Variants in ZNF646 observed in about 807,000 individuals in gnomAD.
ZNF646 encodes zinc finger protein 646.
In ZNF646, 49 loss-of-function variants were observed where a neutral mutation model predicts 115.4. The observed-to-expected ratio is 0.42, with a 90% CI of 0.34 to 0.54. The LOEUF (loss-of-function observed/expected upper bound fraction) is 0.54, where lower values mean the gene tolerates loss of function less well. Among genes scored for constraint, ZNF646 ranks in the 20% least tolerant of loss-of-function variants. ZNF646 has a pLI of 0.04. For missense variants in ZNF646, 2,269 were observed against 2,457.9 expected (o/e 0.92, Z 1.62); for synonymous variants, 933 against 939.0 (o/e 0.99, Z 0.12).
chr16:31,082,261 G>C (rs1013868378), intron 2 of ZNF646: 8 of 174,394 alleles, frequency 4.6e-5, no homozygotes, highest in African/African-American at 1.9e-4. Flanking sequence ...TGTCTCTGCT[G>C]CTCCTCTCCT....
rs1290035981 is a variant in ZNF646 at position 31,081,707 on chromosome 16, G to T, written c.5377+6G>T. On this transcript the variant is annotated splice_donor_region_variant and intron_variant, in intron 2 of 2. Transcript: ENST00000300850. ...GTGGACGGTGGCCGGCTCCGGTAGG[G>T]GGCATGAAGGGTCCCAGGAGGAGGT... is the stretch of plus-strand genomic sequence containing the variant. 1 of 1,570,028 alleles carries T rather than the reference G, an allele frequency of 6.4e-7. No homozygotes were observed. Among genetic ancestry groups the T allele is most frequent in the Non-Finnish European group, 8.7e-7 (1 of 1,155,974 alleles).
chr16:31,076,483 T>TGGGCGGGGCTACCGTCACCCCGGG lies in ZNF646; in HGVS notation c.160_183dup (p.Gly54_Gly61dup). The TGGGCGGGGCTACCGTCACCCCGGG allele has an allele frequency of 1.2e-6, 2 of 1,613,874 alleles. No individual in the cohort carries two copies. The highest frequency in any genetic ancestry group is 1.7e-6 in the Non-Finnish European group (2 of 1,179,986). ...CTCGGCCCTACCGTTGTCAGCAGTG[T>TGGGCGGGGCTACCGTCACCCCGGG]GGGCGGGGCTACCGTCACCCCGGGA... On this transcript the variant is annotated inframe_insertion, in exon 2 of 3. Coordinates refer to ENST00000300850, the MANE Select transcript of ZNF646 (RefSeq NM_014699.4).
rs2057091999 is a variant in ZNF646, at chr16:31,077,386, T to A, written c.1062T>A (p.Ser354=). 1.9e-6 allele frequency: 3 copies of A among 1,613,080 alleles called. No homozygotes were observed. The East Asian group carries it at 6.7e-5, about 36-fold the overall frequency. The change falls in exon 2 of 3, where the codon TCT becomes TCA. Residue 354 remains serine (S), a synonymous_variant. Transcript: ENST00000300850. The part of the protein sequence containing the change: ...QLPSAQMLNG[S]AELSTSGELE... ...CCAGTGCACAGATGCTGAATGGCTC[T>A]GCGGAGCTCAGCACCTCTGGGGAGC...
At position 31,079,940 on chromosome 16, in the gene ZNF646, G is replaced by C; in HGVS notation, c.3616G>C (p.Glu1206Gln). The C allele has an allele frequency of 6.2e-7, 1 of 1,611,978 alleles. No individual in the cohort carries two copies. Residue 1206 changes from glutamate (E) to glutamine (Q), a missense_variant, in exon 2 of 3, where the codon GAG becomes CAG. This residue lies in a region of ZNF646 where 1,062 missense variants were observed against 1,172.8 expected (regional missense o/e 0.91). Transcript: ENST00000300850. This position sits in a 1 kb window ranked among gnomAD's most constrained non-coding sequence, Gnocchi z 5.5. Reference protein sequence around the residue: ...EASSERPFSCEVCGRSYKHAG... With the variant: ...EASSERPFSCQVCGRSYKHAG... ...CAGCTCTGAGCGGCCCTTCAGCTGC[G>C]AGGTGTGTGGCCGATCCTACAAGCA...
In ZNF646 at chr16:31,078,146, G is replaced by C; in HGVS notation, c.1822G>C (p.Glu608Gln). ...AGGGGAAAAGGAAAATAGCAGAACA[G>C]AGACCACAATGTCACCTCCTAGGGC... ...GAGEKENSRT[E>Q]TTMSPPRAFA... is the part of the protein sequence containing the mutation. Residue 608 changes from glutamate to glutamine, a missense_variant, in exon 2 of 3, where the codon GAG (glutamate) becomes CAG (glutamine). Around this residue, in one of 5 missense-constraint regions of ZNF646, gnomAD observed 852 missense variants for 900.2 expected, o/e 0.95. Coordinates refer to ENST00000300850, the MANE Select transcript of ZNF646 (RefSeq NM_014699.4). 6.2e-7 allele frequency: 1 copy of C among 1,614,132 alleles called. No homozygotes were observed. Among genetic ancestry groups the C allele is most frequent in the Non-Finnish European group, 8.5e-7 (1 of 1,180,048 alleles).
Position 31,077,434 on chromosome 16 carries a change from A to C in ZNF646, c.1110A>C (p.Glu370Asp). 1 of 1,613,170 alleles carries C rather than the reference A, an allele frequency of 6.2e-7. No individual in the cohort carries two copies. ...AGCTGGAGGACAGTGGCCTGGAGGA[A>C]TACCGGCCTTTCCGCTGTGGGGACT... ...SGELEDSGLE[E>D]YRPFRCGDCG... The change falls in exon 2 of 3, where the codon GAA becomes GAC. Residue 370 changes from glutamate (E) to aspartate (D), a missense_variant. This residue lies in a region of ZNF646 where 852 missense variants were observed against 900.2 expected (regional missense o/e 0.95). Coordinates refer to ENST00000300850, the MANE Select transcript of ZNF646 (RefSeq NM_014699.4).
chr16:31,081,151 G>C lies in ZNF646; in HGVS notation c.4827G>C (p.Arg1609=). 6.2e-7 allele frequency: 1 copy of C among 1,601,588 alleles called. No homozygotes were observed. The change falls in exon 2 of 3, where the codon CGG becomes CGC. Residue 1609 remains arginine (R), a synonymous_variant. Coordinates refer to ENST00000300850, the MANE Select transcript of ZNF646 (RefSeq NM_014699.4). ...ELASHLQAHA[R]GHSQVPAQME... ...CCAGCCACCTGCAGGCTCATGCCCG[G>C]GGCCACAGCCAGGTGCCAGCCCAGA...
In ZNF646 at chr16:31,078,732, A is replaced by T. The variant is rs749589689; in HGVS notation, c.2408A>T (p.Asn803Ile). ...EDQKPATGQP[N>I]SSSHSANAVT... ...CAGAAGCCAGCCACTGGCCAACCCA[A>T]CTCCTCTTCCCACTCTGCCAATGCT... is the stretch of plus-strand genomic sequence containing the variant. The change falls in exon 2 of 3, where the codon AAC becomes ATC. Residue 803 changes from asparagine (N) to isoleucine (I), a missense_variant. Physicochemically the swap from Asn to Ile is moderately radical, Grantham distance 149. Transcript: ENST00000300850. The T allele has an allele frequency of 4.3e-6, 7 of 1,613,360 alleles. No individual in the cohort carries two copies. Among genetic ancestry groups the T allele is most frequent in the Non-Finnish European group, 5.9e-6 (7 of 1,179,836 alleles).
Position 31,077,414 on chromosome 16 carries a change from G to C in ZNF646, c.1090G>C (p.Glu364Gln). ...GGAGCTCAGCACCTCTGGGGAGCTGGAGGACAGTGGCCTGGAGGAATACCG... is the reference window on the plus strand; with the variant it reads ...GGAGCTCAGCACCTCTGGGGAGCTGCAGGACAGTGGCCTGGAGGAATACCG... ...SAELSTSGEL[E>Q]DSGLEEYRPF... Residue 364 changes from glutamate (E) to glutamine (Q), a missense_variant, in exon 2 of 3, where the codon GAG becomes CAG. Physicochemically the swap from Glu to Gln is conservative, Grantham distance 29. Coordinates refer to ENST00000300850, the MANE Select transcript of ZNF646 (RefSeq NM_014699.4). 2 of 1,613,016 alleles carry C rather than the reference G, an allele frequency of 1.2e-6. No homozygotes were observed. Among genetic ancestry groups the C allele is most frequent in the Non-Finnish European group, 1.7e-6 (2 of 1,179,752 alleles).
rs371920878 is a variant in ZNF646, at chr16:31,077,502, G to C, written c.1178G>C (p.Arg393Pro). ...CATGCTGGGAGCCTCATCAACCATC[G>C]AAAGAGCCACCAGACAGGTGTCTAC... Reference protein sequence around the residue: ...YRHAGSLINHRKSHQTGVYPC... With the variant: ...YRHAGSLINHPKSHQTGVYPC... The change falls in exon 2 of 3, where the codon CGA (arginine) becomes CCA (proline). Residue 393 changes from arginine (R) to proline (P), a missense_variant. Arg to Pro is a moderately radical substitution (Grantham distance 103, BLOSUM62 -2). Around this residue, in one of 5 missense-constraint regions of ZNF646, gnomAD observed 852 missense variants for 900.2 expected, o/e 0.95. Coordinates refer to ENST00000300850, the MANE Select transcript of ZNF646 (RefSeq NM_014699.4). The C allele has an allele frequency of 2.5e-6, 4 of 1,613,396 alleles. No homozygotes were observed. The highest frequency in any genetic ancestry group is 3.4e-6 in the Non-Finnish European group (4 of 1,179,892).
Position 31,078,734 on chromosome 16 carries a change from T to G in ZNF646, c.2410T>G (p.Ser804Ala). 1 of 1,613,884 alleles carries G rather than the reference T, an allele frequency of 6.2e-7. No homozygotes were observed. The highest frequency in any genetic ancestry group is 8.5e-7 in the Non-Finnish European group (1 of 1,179,984). ...DQKPATGQPN[S>A]SSHSANAVTG... The stretch of plus-strand genomic sequence containing the variant: ...GAAGCCAGCCACTGGCCAACCCAAC[T>G]CCTCTTCCCACTCTGCCAATGCTGT... Residue 804 changes from serine (S) to alanine (A), a missense_variant, in exon 2 of 3, where the codon TCC (serine) becomes GCC (alanine). This residue lies in a region of ZNF646 where 852 missense variants were observed against 900.2 expected (regional missense o/e 0.95). Coordinates refer to ENST00000300850, the MANE Select transcript of ZNF646 (RefSeq NM_014699.4).
At position 31,078,386 on chromosome 16, in the gene ZNF646, A is replaced by G. The variant is rs912263034; in HGVS notation, c.2062A>G (p.Lys688Glu). 1.2e-6 allele frequency: 2 copies of G among 1,612,264 alleles called. No individual in the cohort carries two copies. Among genetic ancestry groups the G allele is most frequent in the African/African-American group, 1.3e-5 (1 of 74,916 alleles). The change falls in exon 2 of 3, where the codon AAA (lysine) becomes GAA (glutamate). Residue 688 changes from lysine (K) to glutamate (E), a missense_variant. Lys to Glu is a moderately conservative substitution (Grantham distance 56). Coordinates refer to ENST00000300850, the MANE Select transcript of ZNF646 (RefSeq NM_014699.4). ...AGGASGGREA[K>E]LLAAESWTRE... Reference sequence around the variant, plus strand: ...CGGTGCCAGCGGTGGGAGAGAAGCCAAACTCCTGGCAGCGGAGAGCTGGAC... The same window carrying G: ...CGGTGCCAGCGGTGGGAGAGAAGCCGAACTCCTGGCAGCGGAGAGCTGGAC...
rs372547424 is a variant in ZNF646 at position 31,077,482 on chromosome 16, T to C, written c.1158T>C (p.Ala386=). The change falls in exon 2 of 3, where the codon GCT becomes GCC. Residue 386 remains alanine (A), a synonymous_variant. Coordinates refer to ENST00000300850, the MANE Select transcript of ZNF646 (RefSeq NM_014699.4). Reference sequence around the variant, plus strand: ...ACTGTGGCCGTACTTACCGCCATGCTGGGAGCCTCATCAACCATCGAAAGA... The same window carrying C: ...ACTGTGGCCGTACTTACCGCCATGCCGGGAGCCTCATCAACCATCGAAAGA... ...CGDCGRTYRH[A]GSLINHRKSH... 5 of 1,613,272 alleles carry C rather than the reference T, an allele frequency of 3.1e-6. No homozygotes were observed. Among genetic ancestry groups the C allele is most frequent in the Non-Finnish European group, 4.2e-6 (5 of 1,179,960 alleles).
In ZNF646 at chr16:31,076,256, C is replaced by G; in HGVS notation, c.-69C>G. On this transcript the variant is annotated 5_prime_UTR_variant, in exon 2 of 3. Transcript: ENST00000300850. ...GCCCCCTCTTCCTAGGCCTTGGCCC[C>G]TCCACCAGAGGAAGGTGCTGCCACG... is the stretch of plus-strand genomic sequence containing the variant. The G allele has an allele frequency of 1.3e-6, 2 of 1,536,238 alleles. No homozygotes were observed. The highest frequency in any genetic ancestry group is 1.2e-5 in the South Asian group (1 of 80,220).
chr16:31,082,082 G>C, intron 2 of ZNF646: 1 of 376,026 alleles, frequency 2.7e-6, no homozygotes, highest in Non-Finnish European at 4.9e-6. Context: ...GACTTCCAGA[G>C]AAAAAGAGGA....
Position 31,078,543 on chromosome 16 carries a change from G to A in ZNF646, c.2219G>A (p.Gly740Glu). 1 of 1,600,640 alleles carries A rather than the reference G, an allele frequency of 6.2e-7. No homozygotes were observed. The highest frequency in any genetic ancestry group is 8.5e-7 in the Non-Finnish European group (1 of 1,170,858). ...GCTGAATCTGAAGGGGACAAATGTG[G>A]GCTTGAGAGGGATGAGACCCATTTC... ...LQAESEGDKC[G>E]LERDETHFQG... Residue 740 changes from glycine (G) to glutamate (E), a missense_variant, in exon 2 of 3, where the codon GGG (glycine) becomes GAG (glutamate). Coordinates refer to ENST00000300850, the MANE Select transcript of ZNF646 (RefSeq NM_014699.4).
chr16:31,077,843 C>G lies in ZNF646; in HGVS notation c.1519C>G (p.Leu507Val), dbSNP rs1334179918. 6.2e-7 allele frequency: 1 copy of G among 1,613,782 alleles called. No homozygotes were observed. Among genetic ancestry groups the G allele is most frequent in the African/African-American group, 1.3e-5 (1 of 74,946 alleles). The change falls in exon 2 of 3, where the codon CTG becomes GTG. Residue 507 changes from leucine to valine, a missense_variant. By Grantham distance (32) the Leu-to-Val change is conservative (BLOSUM62 1). This residue lies in a region of ZNF646 where 852 missense variants were observed against 900.2 expected (regional missense o/e 0.95). Coordinates refer to ENST00000300850, the MANE Select transcript of ZNF646 (RefSeq NM_014699.4). Reference sequence around the variant, plus strand: ...CCGCAAGTACCCCAATCTCATGGCCCTGCGCAACCACGTGCGGGTACATTG... The same window carrying G: ...CCGCAAGTACCCCAATCTCATGGCCGTGCGCAACCACGTGCGGGTACATTG... ...CPRKYPNLMA[L>V]RNHVRVHCKA...
rs1398074543 is a variant in ZNF646 at position 31,077,818 on chromosome 16, C to T, written c.1494C>T (p.Pro498=). ...GAGAGTACCAGTGCTCACTCTGTCC[C>T]CGCAAGTACCCCAATCTCATGGCCC... is the stretch of plus-strand genomic sequence containing the variant. The part of the protein sequence containing the change: ...RTGEYQCSLC[P]RKYPNLMALR... Residue 498 remains proline (P), a synonymous_variant, in exon 2 of 3, where the codon CCC becomes CCT. Coordinates refer to ENST00000300850, the MANE Select transcript of ZNF646 (RefSeq NM_014699.4). The T allele has an allele frequency of 3.1e-6, 5 of 1,613,912 alleles. No homozygotes were observed. The highest frequency in any genetic ancestry group is 4.2e-6 in the Non-Finnish European group (5 of 1,180,048).
intron 1 of ZNF646, among the ~76,000 whole-genome samples, chr16:31,075,078 GTAATA>G (rs999153829): frequency 9.9e-5 from 15 of 152,244 alleles, no homozygotes; most frequent in African/African-American, 3.6e-4. Context: ...CTGGCACATG[GTAATA>G]TAATACTCTT....
Sources: gnomAD v4.1 joint callset for allele counts (sites outside exome capture counted in the v4.1 genomes callset) on GRCh38, gnomAD v4.1.1 for gene constraint, gnomAD v4.1.1 regional missense constraint, Gnocchi (gnomAD v3.1) non-coding constraint, MANE v1.5 for transcripts, NCBI Gene and HGNC (gene_info 2026-07-23, HGNC 2026-07-21) for gene names.